The following SESN1 variants were observed in gnomAD, a reference collection of about 807,000 sequenced individuals.
The protein encoded by SESN1 is sestrin-1.
In SESN1, 30 loss-of-function variants were observed where a neutral mutation model predicts 59.3. The ratio of observed to expected loss-of-function variants is 0.51; its 90% confidence interval spans 0.38 to 0.69. The LOEUF is 0.69. Among genes scored for constraint, SESN1 ranks in the 30% least tolerant of loss-of-function variants. SESN1 has a pLI of 0.00. For missense variants in SESN1, 566 were observed against 673.0 expected, an observed-to-expected ratio of 0.84 and a Z score of 1.76; for synonymous variants, 197 against 219.9, an observed-to-expected ratio of 0.90 and a Z score of 0.92.
chr6:109,037,191 T>G (rs1408791788), intron 1 of SESN1, among the ~76,000 whole-genome samples: 1 of 152,212 alleles, frequency 6.6e-6, no homozygotes, highest in African/African-American at 2.4e-5. Context: ...TAAGACTCTG[T>G]GATGCAACAA....
intron 1 of SESN1, among the ~76,000 whole-genome samples, chr6:109,020,535 A>G (rs1002950970): frequency 6.6e-6 from 1 of 152,236 alleles, no homozygotes; most frequent in Admixed American, 6.5e-5. Context: ...ACAACTTTCA[A>G]AACAAATGCA....
rs1781423246 is a variant in SESN1, at chr6:109,094,251, T to A, written c.-178A>T. ...GCCTTCAGCCGATCTACAAGCTAGGTCACCCTCTCACCCTCTCCTTGTACA... is the reference window on the plus strand; with the variant it reads ...GCCTTCAGCCGATCTACAAGCTAGGACACCCTCTCACCCTCTCCTTGTACA... On this transcript the variant is annotated 5_prime_UTR_variant, in exon 1 of 10. Coordinates refer to ENST00000436639, the MANE Select transcript of SESN1 (RefSeq NM_014454.3). The A allele has an allele frequency of 1.6e-5, 10 of 621,764 alleles. No homozygotes were observed. The highest frequency in any genetic ancestry group is 2.8e-5 in the Non-Finnish European group (10 of 360,456). The allele number at this position is 621,764 out of a possible 1,614,324, so 38.5% of individuals were successfully genotyped here. A position where few individuals can be genotyped will look rare whatever the true frequency, so the allele number is the denominator to read the frequency against.
At chr6:109,069,295 A>G (rs1278517675) in intron 1 of SESN1, among the ~76,000 whole-genome samples, 1 of 152,054 alleles carries the variant, frequency 6.6e-6, no homozygotes, top group Non-Finnish European at 1.5e-5. Context: ...CAAGCCTCCT[A>G]GAGAGGGGTA....
At chr6:109,082,041 A>T (rs561690847) in intron 1 of SESN1, among the ~76,000 whole-genome samples, 1 of 152,294 alleles carries the variant, frequency 6.6e-6, no homozygotes, top group Non-Finnish European at 1.5e-5. Flanking sequence ...ACAAACAATC[A>T]CTTGCTTTCC....
At chr6:109,076,111 C>A (rs1168387978) in intron 1 of SESN1, among the ~76,000 whole-genome samples, 1 of 152,230 alleles carries the variant, frequency 6.6e-6, no homozygotes, top group Non-Finnish European at 1.5e-5. Context: ...AGTGACCAGA[C>A]CAGATTGGAA....
At chr6:109,064,571 G>GGGAGA (rs1562472167) in intron 1 of SESN1, among the ~76,000 whole-genome samples, 45 of 88,222 alleles carry the variant, frequency 5.1e-4, no homozygotes, top group African/African-American at 1.8e-3. Context: ...AAGAGAGGAG[G>GGGAGA]GGAGAGGAGA....
At chr6:109,038,451 C>T (rs1195806074) in intron 1 of SESN1, among the ~76,000 whole-genome samples, 4 of 152,122 alleles carry the variant, frequency 2.6e-5, no homozygotes, top group South Asian at 4.1e-4. Flanking sequence ...GAGCTGAGAT[C>T]GTGCCACTGC....
chr6:108,999,271 G>A (rs919365789), intron 4 of SESN1: 5 of 152,320 alleles, frequency 3.3e-5, no homozygotes, highest in African/African-American at 9.7e-5. Flanking sequence ...TCAATTCTGT[G>A]TCACTTCTGC....
chr6:109,087,159 A>G (rs1781226799), intron 1 of SESN1, among the ~76,000 whole-genome samples: 1 of 152,058 alleles, frequency 6.6e-6, no homozygotes, highest in South Asian at 2.1e-4. Flanking sequence ...AAAATAAATA[A>G]AATAAAATAG....
chr6:109,045,779 T>A (rs1332554052), intron 1 of SESN1, among the ~76,000 whole-genome samples: 1 of 152,218 alleles, frequency 6.6e-6, no homozygotes, highest in African/African-American at 2.4e-5. Flanking sequence ...CTGTTTATCT[T>A]GCCCACCTGT....
intron 1 of SESN1, among the ~76,000 whole-genome samples, chr6:109,092,083 A>G (rs907074985): frequency 1.3e-5 from 2 of 152,264 alleles, no homozygotes; most frequent in Non-Finnish European, 2.9e-5. Context: ...GTATAAGTCT[A>G]TAGGGAACCT....
intron 1 of SESN1, among the ~76,000 whole-genome samples, chr6:109,020,864 G>A (rs1780000433): frequency 6.6e-6 from 1 of 152,126 alleles, no homozygotes; most frequent in African/African-American, 2.4e-5. Flanking sequence ...CTATCATCAT[G>A]AACAACACTT....
At position 108,987,648 on chromosome 6, in the gene SESN1, C is replaced by T. The variant is rs755745081; in HGVS notation, c.1570-18G>A. The T allele has an allele frequency of 9.5e-6, 13 of 1,363,542 alleles. No homozygotes were observed. The highest frequency in any genetic ancestry group is 1.8e-4 in the Middle Eastern group (1 of 5,580). 84.5% of individuals were successfully genotyped at this position (1,363,542 alleles called of 1,614,324 possible). ...ACATGAACCTGAATATAAAATACAA[C>T]ATCATATAAGGAAGGGTTACAAGCA... On this transcript the variant is annotated intron_variant, in intron 9 of 9. Transcript: ENST00000436639.
intron 1 of SESN1, among the ~76,000 whole-genome samples, chr6:109,089,939 C>A (rs1423972529): frequency 6.6e-6 from 1 of 152,132 alleles, no homozygotes; most frequent in Non-Finnish European, 1.5e-5. Context: ...TAGAGTGATC[C>A]TTCTGACACA....
At chr6:109,068,466 T>C (rs961810301) in intron 1 of SESN1, among the ~76,000 whole-genome samples, 1 of 152,026 alleles carries the variant, frequency 6.6e-6, no homozygotes, top group Non-Finnish European at 1.5e-5. Flanking sequence ...AATTTGTAAT[T>C]TGGAAGATAA....
At chr6:109,068,721 CTTT>C (rs752278370) in intron 1 of SESN1, among the ~76,000 whole-genome samples, 2 of 133,466 alleles carry the variant, frequency 1.5e-5, no homozygotes. Context: ...ATTTCCTGGG[CTTT>C]TTTTTTTTTT....
At chr6:109,026,240 A>T (rs912346114) in intron 1 of SESN1, among the ~76,000 whole-genome samples, 2 of 152,166 alleles carry the variant, frequency 1.3e-5, no homozygotes, top group Non-Finnish European at 2.9e-5. Context: ...AAAACTAAGA[A>T]TCTACCACCA....
At chr6:109,001,522 T>C in intron 2 of SESN1, 34 bp from the exon 3 acceptor site, 3 of 1,577,492 alleles carry the variant, frequency 1.9e-6, no homozygotes, top group Non-Finnish European at 2.6e-6. Context: ...GTTACTGAAA[T>C]GGTAAATTGG....
chr6:109,002,780 A>G lies in SESN1; in HGVS notation c.280-437T>C, dbSNP rs569555492. ...GTCTTAAACTAGAAAAAGTGTAATT[A>G]TTATTACATCTAAAACAACACCTCA... On this transcript the variant is annotated intron_variant, in intron 1 of 9. Transcript: ENST00000436639. 2.4e-3 allele frequency among the ~76,000 whole-genome samples: 363 copies of G among 152,364 alleles called. 1 individual carries two copies. The highest frequency in any genetic ancestry group is 8.3e-3 in the African/African-American group (346 of 41,584).
Sources: gnomAD v4.1 joint callset for allele counts (sites outside exome capture counted in the v4.1 genomes callset) on GRCh38, gnomAD v4.1.1 for gene constraint, MANE v1.5 for transcripts, NCBI Gene and HGNC (gene_info 2026-07-23, HGNC 2026-07-21) for gene names.